Variants in ATP7A observed in about 807,000 individuals in gnomAD.
The protein encoded by ATP7A is copper-transporting ATPase 1.
ATP7A carries 7 observed loss-of-function variants against 83.5 expected under a neutral mutation model. That is an observed-to-expected ratio of 0.08 (90% CI 0.05 to 0.16). The LOEUF is 0.16. Among genes scored for constraint, ATP7A ranks in the 10% least tolerant of loss-of-function variants. The pLI is 1.00. For missense variants in ATP7A, 940 were observed against 1,120.8 expected, an observed-to-expected ratio of 0.84 and a Z score of 2.30; for synonymous variants, 354 against 395.2, an observed-to-expected ratio of 0.90 and a Z score of 1.24.
chrX:77,991,615 A>G (rs1224442836), intron 4 of ATP7A, among the ~76,000 whole-genome samples: 1 of 111,517 alleles, frequency 9.0e-6, no homozygotes, highest in Non-Finnish European at 1.9e-5. Context: ...GTCACATGGC[A>G]GCTAAACTTT....
intron 7 of ATP7A, among the ~76,000 whole-genome samples, chrX:78,010,291 A>G (rs1025912979): frequency 4.5e-5 from 5 of 111,943 alleles, no homozygotes; most frequent in Admixed American, 9.5e-5. Flanking sequence ...TAACTGTCAT[A>G]ACTGGGATTT....
chrX:77,914,707 A>G (rs1304835788), intron 1 of ATP7A, among the ~76,000 whole-genome samples: 1 of 111,163 alleles, frequency 9.0e-6, no homozygotes, highest in African/African-American at 3.3e-5. Context: ...CCAGGCCTTA[A>G]AACACCTAGT....
At chrX:77,971,176 G>A (rs918352744) in intron 1 of ATP7A, among the ~76,000 whole-genome samples, 2 of 111,947 alleles carry the variant, frequency 1.8e-5, no homozygotes, top group African/African-American at 6.5e-5. Flanking sequence ...TTGGTGAGTG[G>A]TAGAAGAGGA....
intron 1 of ATP7A, among the ~76,000 whole-genome samples, chrX:77,931,087 A>C (rs2077271416): frequency 9.8e-6 from 1 of 101,553 alleles, no homozygotes; most frequent in Non-Finnish European, 2.0e-5. Context: ...GTCATAGGAC[A>C]ATAGTGGAGG....
chrX:77,973,582 T>C (rs1268671077), intron 2 of ATP7A, among the ~76,000 whole-genome samples: 1 of 112,714 alleles, frequency 8.9e-6, no homozygotes, highest in Non-Finnish European at 1.9e-5. Context: ...TAGGCATTTG[T>C]ATACCTTCTT....
intron 4 of ATP7A, among the ~76,000 whole-genome samples, chrX:77,996,019 A>G (rs1219332822): frequency 8.9e-6 from 1 of 112,172 alleles, no homozygotes; most frequent in African/African-American, 3.2e-5. Context: ...TGCTGGGATT[A>G]CAGGCGTGAG....
chrX:77,928,118 C>T, intron 1 of ATP7A, among the ~76,000 whole-genome samples: 1 of 110,225 alleles, frequency 9.1e-6, no homozygotes, highest in Admixed American at 9.7e-5. Flanking sequence ...TGCACCACCA[C>T]ACCCGGCTAA....
chrX:77,969,007 G>A (rs1455822281), intron 1 of ATP7A: 10 of 1,209,672 alleles, frequency 8.3e-6, no homozygotes, highest in Middle Eastern at 5.2e-4. Context: ...AATACCAGTC[G>A]GCAGGTTCAG....
intron 12 of ATP7A, among the ~76,000 whole-genome samples, chrX:78,018,839 T>G (rs1361297800): frequency 9.0e-6 from 1 of 111,241 alleles, no homozygotes; most frequent in Admixed American, 9.6e-5. Context: ...TGGCAGAAGG[T>G]GAAGGGGGCA....
At chrX:77,958,185 G>A (rs782190609) in intron 1 of ATP7A, among the ~76,000 whole-genome samples, 5 of 111,189 alleles carry the variant, frequency 4.5e-5, no homozygotes, top group Non-Finnish European at 9.4e-5. Flanking sequence ...CTCTTGCCAT[G>A]TGACATGCTG....
At chrX:78,017,348 C>G (rs1029835481) in intron 12 of ATP7A, among the ~76,000 whole-genome samples, 1 of 112,387 alleles carries the variant, frequency 8.9e-6, no homozygotes, top group African/African-American at 3.2e-5. Context: ...ATTTTTTCTC[C>G]TAGGCCTCAG....
Position 78,047,892 on chromosome X carries a change from G to A in ATP7A, c.*1322G>A, listed in dbSNP as rs1172498914. 1 of 111,689 alleles carries A rather than the reference G, an allele frequency of 9.0e-6. No individual in the cohort carries two copies. The highest frequency in any genetic ancestry group is 1.9e-5 in the Non-Finnish European group (1 of 53,167). The allele number at this position is 111,689 out of a possible 1,213,427, so 9.2% of individuals were successfully genotyped here. Reference sequence around the variant, plus strand: ...AGCCTAAATTTGTATTTTTTGAATTGAGTATAATCACTTTGCTAGTATATA... The same window carrying A: ...AGCCTAAATTTGTATTTTTTGAATTAAGTATAATCACTTTGCTAGTATATA... On this transcript the variant is annotated 3_prime_UTR_variant, in exon 23 of 23. Transcript: ENST00000341514.
chrX:77,970,286 ACAC>A (rs781879334), intron 1 of ATP7A, among the ~76,000 whole-genome samples: 32 of 111,762 alleles, frequency 2.9e-4, no homozygotes, highest in Non-Finnish European at 5.5e-4. Context: ...AACAAGGAAA[ACAC>A]AATGCTTTTT....
chrX:78,014,592 A>G, intron 10 of ATP7A, 70 bp from the exon 11 acceptor site: 1 of 804,477 alleles, frequency 1.2e-6, no homozygotes, highest in Non-Finnish European at 1.9e-6. Flanking sequence ...TAAAGATTGT[A>G]TTTTTATTTT....
chrX:77,969,317 C>T, intron 1 of ATP7A: 2 of 1,211,753 alleles, frequency 1.7e-6, no homozygotes, highest in Non-Finnish European at 1.1e-6. Context: ...TGGGCCTCAC[C>T]ATGCTTTGCA....
intron 17 of ATP7A, among the ~76,000 whole-genome samples, chrX:78,036,191 A>C (rs1265931385): frequency 2.7e-5 from 3 of 111,540 alleles, no homozygotes; most frequent in African/African-American, 9.8e-5. Context: ...AAAATACAAT[A>C]ATTCCAATGG....
intron 5 of ATP7A, among the ~76,000 whole-genome samples, chrX:78,000,070 GA>G (rs2077730234): frequency 9.0e-6 from 1 of 110,693 alleles, no homozygotes; most frequent in Admixed American, 9.7e-5. Flanking sequence ...CCACCATTGA[GA>G]AAATTACTCA....
At chrX:77,998,898 A>G in intron 5 of ATP7A, among the ~76,000 whole-genome samples, 1 of 110,263 alleles carries the variant, frequency 9.1e-6, no homozygotes, top group East Asian at 2.8e-4. Flanking sequence ...TCACATTTGT[A>G]TATCTATGAA....
At chrX:77,926,798 G>A (rs2149044700) in intron 1 of ATP7A, among the ~76,000 whole-genome samples, 1 of 109,607 alleles carries the variant, frequency 9.1e-6, no homozygotes, top group Admixed American at 9.8e-5. Context: ...CACCTCCCCA[G>A]TTCAAGTGAT....
Sources: gnomAD v4.1 joint callset for allele counts (sites outside exome capture counted in the v4.1 genomes callset) on GRCh38, gnomAD v4.1.1 for gene constraint, MANE v1.5 for transcripts, NCBI Gene and HGNC (gene_info 2026-07-23, HGNC 2026-07-21) for gene names.